MYH14: variants seen among roughly 807,000 people sequenced by gnomAD.
The protein encoded by MYH14 is myosin heavy chain 14, also known as myosin-14.
Under a neutral mutation model 255.5 loss-of-function variants are expected in MYH14, and 123 were observed. That is an observed-to-expected ratio of 0.48 (90% CI 0.42 to 0.56). The LOEUF (loss-of-function observed/expected upper bound fraction) is 0.56, where lower values mean the gene tolerates loss of function less well. Among genes scored for constraint, MYH14 ranks in the 20% least tolerant of loss-of-function variants. MYH14 has a pLI of 0.00. For synonymous variants in MYH14, 1,095 were observed against 1,161.2 expected, an observed-to-expected ratio of 0.94 and a Z score of 1.16; for missense variants, 2,423 against 2,802.3, an observed-to-expected ratio of 0.86 and a Z score of 3.06.
intron 3 of MYH14, among the ~76,000 whole-genome samples, chr19:50,218,695 T>C (rs2123187546): frequency 6.6e-6 from 1 of 152,136 alleles, no homozygotes; most frequent in Middle Eastern, 3.4e-3. Flanking sequence ...TTCTGAGATT[T>C]TGGTGCACTT....
Position 50,223,343 on chromosome 19 carries a change from T to C in MYH14, c.687T>C (p.Gly229=). 6.4e-7 allele frequency: 1 copy of C among 1,570,646 alleles called. No homozygotes were observed. Among genetic ancestry groups the C allele is most frequent in the Non-Finnish European group, 8.6e-7 (1 of 1,157,828 alleles). ...CTCCAAAGGGCAGGAAGGAGCCGGGTGTCCCCGTAAGCAACCCCGCCTTGG... is the reference window on the plus strand; with the variant it reads ...CTCCAAAGGGCAGGAAGGAGCCGGGCGTCCCCGTAAGCAACCCCGCCTTGG... ...ASSPKGRKEP[G]VPASVSTVSY... The change falls in exon 5 of 43, where the codon GGT becomes GGC. Residue 229 remains glycine (G), a synonymous_variant. Transcript: ENST00000642316.
chr19:50,203,849 G>C (rs927843207), intron 1 of MYH14, among the ~76,000 whole-genome samples, 178 bp downstream of exon 1: 1 of 152,080 alleles, frequency 6.6e-6, no homozygotes, highest in Non-Finnish European at 1.5e-5. Flanking sequence ...AGGGAGGTGG[G>C]GGGGCGGGAC....
chr19:50,232,886 C>A (rs2033474162), intron 10 of MYH14, among the ~76,000 whole-genome samples: 1 of 151,934 alleles, frequency 6.6e-6, no homozygotes, highest in Admixed American at 6.6e-5. Context: ...CAAACGCCAG[C>A]CTAGGAGGTT....
At chr19:50,254,701 G>A (rs912971203) in intron 16 of MYH14, among the ~76,000 whole-genome samples, 1 of 152,196 alleles carries the variant, frequency 6.6e-6, no homozygotes, top group African/African-American at 2.4e-5. Flanking sequence ...CAAGACACAG[G>A]CAAAGGGTGT....
intron 5 of MYH14, among the ~76,000 whole-genome samples, chr19:50,223,739 GCTGTTT>G (rs982011276): frequency 1.3e-5 from 2 of 152,162 alleles, no homozygotes; most frequent in African/African-American, 2.4e-5. Context: ...TGGGGTGGGT[GCTGTTT>G]TCCTGCACTG....
chr19:50,253,590 A>G (rs2034482098), intron 16 of MYH14, among the ~76,000 whole-genome samples: 1 of 152,176 alleles, frequency 6.6e-6, no homozygotes, highest in Admixed American at 6.5e-5. Flanking sequence ...AAGAAGAAAG[A>G]AAAAACAGAC....
Position 50,232,028 on chromosome 19 carries a change from G to C in MYH14, c.1072G>C (p.Glu358Gln), listed in dbSNP as rs901652663. ...QERELFQETL[E>Q]SLRVLGFSHE... The stretch of plus-strand genomic sequence containing the variant: ...GCGGGAACTCTTCCAGGAGACGCTG[G>C]AGTCGCTGCGGGTCCTGGGATTCAG... The change falls in exon 10 of 43, where the codon GAG becomes CAG. Residue 358 changes from glutamate to glutamine, a missense_variant. Transcript: ENST00000642316. 4 of 1,613,298 alleles carry C rather than the reference G, an allele frequency of 2.5e-6. No individual in the cohort carries two copies. In the African/African-American group the frequency reaches 5.3e-5, roughly 22 times the overall value.
At position 50,276,324 on chromosome 19, in the gene MYH14, C is replaced by T; in HGVS notation, c.3680+121C>T. 2 of 853,358 alleles carry T rather than the reference C, an allele frequency of 2.3e-6. No homozygotes were observed. The highest frequency in any genetic ancestry group is 3.5e-6 in the Non-Finnish European group (2 of 571,566). The allele number at this position is 853,358 out of a possible 1,614,324, so 52.9% of individuals were successfully genotyped here. A position where few individuals can be genotyped will look rare whatever the true frequency, so the allele number is the denominator to read the frequency against. ...TTATTGTACAGTTGTTCATGAACCA[C>T]CGGCTCTAGGTCCGGCCTGGGTCAA... is the stretch of plus-strand genomic sequence containing the variant. On this transcript the variant is annotated intron_variant, in intron 28 of 42. Transcript: ENST00000642316. This position sits in a 1 kb window ranked among gnomAD's most constrained non-coding sequence, Gnocchi z 4.3.
intron 27 of MYH14, among the ~76,000 whole-genome samples, chr19:50,275,389 C>T (rs932237323): frequency 4.6e-5 from 7 of 152,204 alleles, no homozygotes; most frequent in African/African-American, 9.7e-5. Context: ...GCTTTCTCCA[C>T]GCTAGACCTC....
rs899181336 is a variant in MYH14 at position 50,300,689 on chromosome 19, C to T, written c.5470-972C>T. Among the ~76,000 whole-genome samples the T allele has an allele frequency of 9.9e-5, 15 of 152,256 alleles. No homozygotes were observed. The East Asian group carries it at 2.7e-3, about 28-fold the overall frequency. ...GCTTGAACCTGGGAGGCAGAGGTTG[C>T]AGTGAGCTGAGATCGTGCCACTGCA... On this transcript the variant is annotated intron_variant, in intron 39 of 42. Transcript: ENST00000642316.
rs143788721 is a variant in MYH14, at chr19:50,235,294, G to T, written c.1114+3224G>T. 1.0e-3 allele frequency among the ~76,000 whole-genome samples: 156 copies of T among 151,606 alleles called. 1 individual carries two copies. The highest frequency in any genetic ancestry group is 3.7e-3 in the African/African-American group (152 of 41,302). On this transcript the variant is annotated intron_variant, in intron 10 of 42. Coordinates refer to ENST00000642316, the MANE Select transcript of MYH14 (RefSeq NM_001145809.2). ...AATTGCTTGAACCTGGGAGGCAGAG[G>T]TTGCAGTGAGCCAAGATCTCACCAC...
At chr19:50,308,930 G>C (rs953749672) in intron 41 of MYH14, 75 bp from the exon 42 acceptor site, 1 of 1,403,024 alleles carries the variant, frequency 7.1e-7, no homozygotes. Context: ...GGATGGGGCA[G>C]TAGTGGGCTG....
chr19:50,272,152 T>C (rs1218012484), intron 26 of MYH14, among the ~76,000 whole-genome samples, 180 bp downstream of exon 26: 1 of 152,194 alleles, frequency 6.6e-6, no homozygotes, highest in Non-Finnish European at 1.5e-5. Flanking sequence ...AATCCAACTC[T>C]CTTTCTCTCC....
chr19:50,260,748 C>T (rs200554866), intron 20 of MYH14, 33 bp downstream of exon 20: 68 of 1,318,768 alleles, frequency 5.2e-5, no homozygotes, highest in African/African-American at 2.0e-4. Context: ...TGCGTGTGTG[C>T]GTGTGTGTGT....
Position 50,276,713 on chromosome 19 carries a change from C to T in MYH14, c.3681-44C>T. ...CAGCTCCCCCAAAGCCCCTGCCTTC[C>T]TCTGCTCTGAAATTCCCATCCTCTC... On this transcript the variant is annotated intron_variant, in intron 28 of 42. Transcript: ENST00000642316. The surrounding 1 kb of genome is among the most constrained non-coding windows in gnomAD (Gnocchi z 4.3). 1 of 1,612,482 alleles carries T rather than the reference C, an allele frequency of 6.2e-7. No individual in the cohort carries two copies. Among genetic ancestry groups the T allele is most frequent in the Non-Finnish European group, 8.5e-7 (1 of 1,179,680 alleles).
chr19:50,304,530 C>T (rs1419368141), intron 40 of MYH14, among the ~76,000 whole-genome samples: 1 of 152,012 alleles, frequency 6.6e-6, no homozygotes, highest in Non-Finnish European at 1.5e-5. Flanking sequence ...GTGGAGGTTG[C>T]AGTGAGCCGA....
chr19:50,225,483 C>T (rs749505801), intron 6 of MYH14, 102 bp from the exon 7 acceptor site: 104 of 850,522 alleles, frequency 1.2e-4, no homozygotes, highest in Non-Finnish European at 1.9e-4. Flanking sequence ...AGGCCCCTCA[C>T]ACACAGATAC....
chr19:50,296,428 T>TA (rs1464501946), intron 39 of MYH14, among the ~76,000 whole-genome samples: 1 of 148,992 alleles, frequency 6.7e-6, no homozygotes, highest in Non-Finnish European at 1.5e-5. Context: ...AGCAACCCAG[T>TA]AAGACCCCGT....
intron 3 of MYH14, among the ~76,000 whole-genome samples, chr19:50,220,932 A>G (rs1178489218): frequency 6.6e-6 from 1 of 152,172 alleles, no homozygotes; most frequent in Non-Finnish European, 1.5e-5. Flanking sequence ...TAGTGGATTC[A>G]TCTATTTCTC....
Sources: allele counts gnomAD v4.1 joint callset (sites outside exome capture counted in the v4.1 genomes callset), GRCh38; gene constraint gnomAD v4.1.1; non-coding constraint Gnocchi (gnomAD v3.1); transcripts MANE v1.5; gene names NCBI Gene and HGNC (gene_info 2026-07-23, HGNC 2026-07-21).